NWD1: variants seen among roughly 807,000 people sequenced by gnomAD.
NWD1 encodes the protein NACHT domain- and WD repeat-containing protein 1.
NWD1 carries 129 observed loss-of-function variants against 135.1 expected under a neutral mutation model. The observed-to-expected ratio is 0.96, with a 90% CI of 0.83 to 1.11. NWD1 has a LOEUF of 1.11. Ranked by LOEUF, NWD1 falls within the 50% of genes least tolerant of loss-of-function variation. The pLI, the probability that NWD1 is intolerant of heterozygous loss-of-function variation, is 0.00. For synonymous variants in NWD1, 773 were observed against 786.0 expected, an observed-to-expected ratio of 0.98 and a Z score of 0.28; for missense variants, 1,740 against 1,851.3, an observed-to-expected ratio of 0.94 and a Z score of 1.10.
chr19:16,738,657 T>G (rs1967939345), intron 4 of NWD1, among the ~76,000 whole-genome samples: 2 of 147,230 alleles, frequency 1.4e-5, no homozygotes, highest in Admixed American at 6.9e-5. Context: ...GTCCCAACAT[T>G]ATAACGAAAG....
intron 11 of NWD1, among the ~76,000 whole-genome samples, chr19:16,774,079 G>A (rs577598290): frequency 1.1e-4 from 11 of 101,588 alleles, no homozygotes; most frequent in Non-Finnish European, 2.1e-4. Context: ...TCCATCCACC[G>A]TCCTCCCACC....
intron 6 of NWD1, among the ~76,000 whole-genome samples, chr19:16,757,530 A>G (rs1302778914): frequency 6.6e-6 from 1 of 152,226 alleles, no homozygotes; most frequent in African/African-American, 2.4e-5. Context: ...AAGAGAAGGT[A>G]CATTCCTCAC....
Position 16,765,063 on chromosome 19 carries a change from A to G in NWD1, c.2281A>G (p.Ile761Val). Residue 761 changes from isoleucine to valine, a missense_variant, in exon 10 of 19, where the codon ATC (isoleucine) becomes GTC (valine). Transcript: ENST00000524140. ...GSMSWISCRGISGGIEDLLDD... is the reference protein window; with the variant it reads ...GSMSWISCRGVSGGIEDLLDD... ...CATGAGCTGGATTTCCTGCCGGGGC[A>G]TCTCTGGGGGCATTGAAGACCTGCT... The G allele has an allele frequency of 6.2e-7, 1 of 1,613,988 alleles. No homozygotes were observed. The highest frequency in any genetic ancestry group is 8.5e-7 in the Non-Finnish European group (1 of 1,179,982).
intron 5 of NWD1, 129 bp downstream of exon 5, chr19:16,744,847 TC>T: frequency 1.3e-6 from 1 of 763,060 alleles, no homozygotes; most frequent in Admixed American, 2.1e-5. Flanking sequence ...CAACCTCTGG[TC>T]CCTCGGCTCT....
chr19:16,815,002 T>C (rs1030944519), intron 18 of NWD1, 26 bp from the exon 19 acceptor site: 5 of 1,607,708 alleles, frequency 3.1e-6, no homozygotes, highest in Non-Finnish European at 4.3e-6. Context: ...TTTTTCTCAT[T>C]TGTGTCCTTC....
intron 1 of NWD1, among the ~76,000 whole-genome samples, chr19:16,723,938 G>T (rs1020966441): frequency 4.0e-5 from 6 of 151,582 alleles, no homozygotes; most frequent in African/African-American, 1.5e-4. Context: ...TCAAGTGATC[G>T]GCCCGCCTTG....
At chr19:16,781,627 C>G (rs758847860) in intron 12 of NWD1, among the ~76,000 whole-genome samples, 1 of 151,300 alleles carries the variant, frequency 6.6e-6, no homozygotes, top group Admixed American at 6.6e-5. Flanking sequence ...AAAAAAAAAG[C>G]AAGACTACAT....
chr19:16,736,043 T>C (rs961173129), intron 3 of NWD1, among the ~76,000 whole-genome samples: 16 of 152,134 alleles, frequency 1.1e-4, no homozygotes, highest in African/African-American at 3.9e-4. Context: ...CCAGCTCTTC[T>C]ATCTAAGTCT....
chr19:16,747,588 GT>G (rs1490929514), intron 5 of NWD1, among the ~76,000 whole-genome samples: 2 of 151,682 alleles, frequency 1.3e-5, no homozygotes, highest in African/African-American at 4.8e-5. Flanking sequence ...GCACAGGCTG[GT>G]CTCGAACTCC....
Position 16,735,829 on chromosome 19 carries a change from A to AGAAG in NWD1, c.82-770_82-767dup, listed in dbSNP as rs1240567591. Among the ~76,000 whole-genome samples, 264 of 56,956 alleles carry AGAAG rather than the reference A, an allele frequency of 4.6e-3. 1 individual carries two copies. The highest frequency in any genetic ancestry group is 0.021 in the East Asian group (84 of 4,026). The allele number at this position is 56,956 out of a possible 152,430, so 37.4% of individuals were successfully genotyped here. A position where few individuals can be genotyped will look rare whatever the true frequency, so the allele number is the denominator to read the frequency against. ...AGGAAGGAAGGAAGGAAGGAAGGAAAGAAGGAAGGAAGGAAGGAAGGAAGG... is the reference window on the plus strand; with the variant it reads ...AGGAAGGAAGGAAGGAAGGAAGGAAAGAAGGAAGGAAGGAAGGAAGGAAGGAAGG... On this transcript the variant is annotated intron_variant, in intron 3 of 18. Coordinates refer to ENST00000524140, the MANE Select transcript of NWD1 (RefSeq NM_001007525.5).
intron 1 of NWD1, among the ~76,000 whole-genome samples, chr19:16,720,799 C>T (rs1311728006): frequency 6.6e-6 from 1 of 152,122 alleles, no homozygotes; most frequent in Non-Finnish European, 1.5e-5. Context: ...ATGATCTGCC[C>T]TCCTCGGCTT....
intron 12 of NWD1, among the ~76,000 whole-genome samples, chr19:16,788,226 A>T: frequency 8.1e-6 from 1 of 123,790 alleles, no homozygotes; most frequent in African/African-American, 3.0e-5. Flanking sequence ...GCAAAACTTC[A>T]TCTCAAAATA....
intron 13 of NWD1, among the ~76,000 whole-genome samples, chr19:16,790,491 C>A (rs540982894): frequency 5.4e-4 from 80 of 149,466 alleles, no homozygotes; most frequent in African/African-American, 1.7e-3. Flanking sequence ...GGAGGGAGAG[C>A]ATTAGGACAA....
At chr19:16,744,188 A>G (rs905696810) in intron 4 of NWD1, among the ~76,000 whole-genome samples, 23 of 152,134 alleles carry the variant, frequency 1.5e-4, no homozygotes, top group Non-Finnish European at 2.9e-4. Context: ...CAGGAGTTCA[A>G]TACCAGCCCG....
At chr19:16,726,913 C>T (rs1290209457) in intron 2 of NWD1, among the ~76,000 whole-genome samples, 2 of 152,162 alleles carry the variant, frequency 1.3e-5, no homozygotes, top group African/African-American at 2.4e-5. Context: ...TTGCAAGTGT[C>T]CCCTGGGGGC....
intron 11 of NWD1, among the ~76,000 whole-genome samples, chr19:16,778,281 C>G (rs1200109671): frequency 6.6e-6 from 1 of 152,088 alleles, no homozygotes; most frequent in Non-Finnish European, 1.5e-5. Context: ...TGGCCCTTCT[C>G]TCTCTGCAGT....
intron 3 of NWD1, among the ~76,000 whole-genome samples, chr19:16,732,406 T>C (rs1425918474): frequency 1.3e-5 from 2 of 151,792 alleles, no homozygotes; most frequent in African/African-American, 4.8e-5. Context: ...TGTTTTTGTC[T>C]TGCCTTCAGA....
At chr19:16,761,871 G>A (rs1969026371) in intron 7 of NWD1, 108 bp from the exon 8 acceptor site, 1 of 804,170 alleles carries the variant, frequency 1.2e-6, no homozygotes, top group East Asian at 2.6e-5. Context: ...GGTCAACAGA[G>A]TGGTTTAGGA....
intron 4 of NWD1, among the ~76,000 whole-genome samples, chr19:16,738,789 A>AATGTATACATTATAT (rs1967953997): frequency 8.4e-6 from 1 of 119,494 alleles, no homozygotes; most frequent in African/African-American, 3.4e-5. Context: ...TATAATATAT[A>AATGTATACATTATAT]ATAACATATA....
Sources: allele counts gnomAD v4.1 joint callset (sites outside exome capture counted in the v4.1 genomes callset), GRCh38; gene constraint gnomAD v4.1.1; transcripts MANE v1.5; gene names NCBI Gene and HGNC (gene_info 2026-07-23, HGNC 2026-07-21).